Variants in RAD51B observed in about 807,000 individuals in gnomAD.
The protein encoded by RAD51B is DNA repair protein RAD51 homolog 2.
A neutral mutation model predicts 42.2 loss-of-function variants in RAD51B; 38 were observed. The ratio of observed to expected loss-of-function variants is 0.90; its 90% CI spans 0.70 to 1.18. RAD51B has a LOEUF of 1.18. Ranked by LOEUF, RAD51B falls within the 50% of genes most tolerant of loss-of-function variation. RAD51B has a pLI of 0.00. For missense variants in RAD51B, 373 were observed against 400.7 expected (o/e 0.93, Z 0.59); for synonymous variants, 154 against 145.2 (o/e 1.06, Z -0.43).
chr14:67,873,447 G>T (rs1008309234), intron 5 of RAD51B, among the ~76,000 whole-genome samples: 1 of 150,074 alleles, frequency 6.7e-6, no homozygotes, highest in Non-Finnish European at 1.5e-5. Flanking sequence ...AACAGGTGCT[G>T]GAGAGGATGT....
intron 11 of RAD51B, among the ~76,000 whole-genome samples, chr14:68,663,393 T>C (rs180706777): frequency 6.6e-6 from 1 of 151,776 alleles, no homozygotes; most frequent in Admixed American, 6.5e-5. Flanking sequence ...TAATGGGCCC[T>C]TGCTTGGCTG....
intron 7 of RAD51B, among the ~76,000 whole-genome samples, chr14:68,052,711 C>A (rs912149620): frequency 6.6e-6 from 1 of 151,846 alleles, no homozygotes; most frequent in African/African-American, 2.4e-5. Context: ...ACCTCTGCCT[C>A]CGAGGCTCCA....
intron 7 of RAD51B, among the ~76,000 whole-genome samples, chr14:68,137,673 A>G (rs1226128587): frequency 1.3e-5 from 2 of 152,228 alleles, no homozygotes; most frequent in Admixed American, 6.5e-5. Context: ...GCAAAAAGGT[A>G]TGCACATTTT....
chr14:68,050,215 C>T (rs913972920), intron 7 of RAD51B, among the ~76,000 whole-genome samples: 1 of 152,060 alleles, frequency 6.6e-6, no homozygotes, highest in Admixed American at 6.5e-5. Flanking sequence ...TGGTACCCTT[C>T]AAAAGCTTAT....
At chr14:68,292,735 A>G (rs962447797) in intron 8 of RAD51B, among the ~76,000 whole-genome samples, 1 of 152,204 alleles carries the variant, frequency 6.6e-6, no homozygotes. Flanking sequence ...AGGCCTAGCA[A>G]GGCTCCTGGA....
intron 9 of RAD51B, among the ~76,000 whole-genome samples, chr14:68,467,935 A>G (rs1044243939): frequency 1.3e-5 from 2 of 152,258 alleles, no homozygotes; most frequent in African/African-American, 2.4e-5. Flanking sequence ...AATTGATTCA[A>G]GAATATGGCA....
intron 7 of RAD51B, among the ~76,000 whole-genome samples, chr14:68,162,325 T>C (rs530039905): frequency 6.6e-6 from 1 of 152,306 alleles, no homozygotes; most frequent in African/African-American, 2.4e-5. Flanking sequence ...TTCCCAGACA[T>C]AATTTTTCAT....
At position 68,448,883 on chromosome 14, in the gene RAD51B, T is replaced by G. The variant is rs540994438; in HGVS notation, c.958-19289T>G. Among the ~76,000 whole-genome samples, 102 of 152,268 alleles carry G rather than the reference T, an allele frequency of 6.7e-4. 1 individual carries two copies. The highest frequency in any genetic ancestry group is 2.1e-3 in the African/African-American group (86 of 41,538). On this transcript the variant is annotated intron_variant, in intron 9 of 10. Transcript: ENST00000471583. ...AAATGGAAAACAAAAAAGTAATGCATGCTAGTTGTGAAAAAAAAATCAAGC... is the reference window on the plus strand; with the variant it reads ...AAATGGAAAACAAAAAAGTAATGCAGGCTAGTTGTGAAAAAAAAATCAAGC...
intron 7 of RAD51B, among the ~76,000 whole-genome samples, chr14:68,171,777 G>A (rs1456857411): frequency 6.6e-6 from 1 of 151,758 alleles, no homozygotes; most frequent in Non-Finnish European, 1.5e-5. Flanking sequence ...GGCGATCTCG[G>A]TTCACTTTAA....
In RAD51B at chr14:67,823,514, G is replaced by T. The variant is rs1159650525; in HGVS notation, c.-2-28G>T. Reference sequence around the variant, plus strand: ...GTTATATTCTGTTGTTTTTTTCATGGTTCTTCTTTTCTTTGCTGGATCTGG... The same window carrying T: ...GTTATATTCTGTTGTTTTTTTCATGTTTCTTCTTTTCTTTGCTGGATCTGG... On this transcript the variant is annotated intron_variant, in intron 1 of 10. Coordinates refer to ENST00000471583, the MANE Select transcript of RAD51B (RefSeq NM_133510.4). The T allele has an allele frequency of 4.4e-6, 7 of 1,593,422 alleles. No homozygotes were observed. The Admixed American group carries it at 6.9e-5, about 16-fold the overall frequency.
At chr14:68,134,208 A>T (rs2077961872) in intron 7 of RAD51B, among the ~76,000 whole-genome samples, 1 of 152,212 alleles carries the variant, frequency 6.6e-6, no homozygotes, top group Admixed American at 6.5e-5. Context: ...ATTATACAGT[A>T]TGTAGCCTTT....
At chr14:68,116,879 A>C (rs934652853) in intron 7 of RAD51B, among the ~76,000 whole-genome samples, 1 of 150,916 alleles carries the variant, frequency 6.6e-6, no homozygotes, top group African/African-American at 2.4e-5. Flanking sequence ...GTAAATATTA[A>C]GGTTCAAAAT....
intron 4 of RAD51B, among the ~76,000 whole-genome samples, chr14:67,842,134 A>AT (rs893319272): frequency 1.9e-4 from 29 of 151,740 alleles, no homozygotes; most frequent in Admixed American, 3.9e-4. Flanking sequence ...TAGATATTTT[A>AT]TTTTTTTTGT....
At chr14:68,289,210 A>G (rs541157909) in intron 7 of RAD51B, among the ~76,000 whole-genome samples, 2 of 152,332 alleles carry the variant, frequency 1.3e-5, no homozygotes, top group East Asian at 1.9e-4. Flanking sequence ...GGAAATAATA[A>G]CAATAACAAC....
intron 8 of RAD51B, among the ~76,000 whole-genome samples, chr14:68,323,689 G>A (rs187405347): frequency 2.0e-4 from 30 of 152,306 alleles, no homozygotes; most frequent in East Asian, 7.7e-4. Context: ...CAACTACTCC[G>A]GAAGCTGAGG....
intron 7 of RAD51B, among the ~76,000 whole-genome samples, chr14:67,949,904 TGAAAAGA>T (rs748654876): frequency 7.2e-5 from 11 of 152,310 alleles, no homozygotes; most frequent in Non-Finnish European, 1.5e-4. Flanking sequence ...CAAAATATTT[TGAAAAGA>T]ATCTTTTCTT....
chr14:68,371,221 G>A (rs748058636), intron 8 of RAD51B, among the ~76,000 whole-genome samples: 1 of 151,528 alleles, frequency 6.6e-6, no homozygotes, highest in African/African-American at 2.4e-5. Context: ...AGGGGATTAA[G>A]AGTTCTGTCC....
rs540866949 is a variant in RAD51B, at chr14:68,158,082, G to A, written c.757-133802G>A. ...GGCCACATTCAGGGAGACCTAGCTTGTGGCAGACTATTCTCACCACACCCT... is the reference window on the plus strand; with the variant it reads ...GGCCACATTCAGGGAGACCTAGCTTATGGCAGACTATTCTCACCACACCCT... On this transcript the variant is annotated intron_variant, in intron 7 of 10. Coordinates refer to ENST00000471583, the MANE Select transcript of RAD51B (RefSeq NM_133510.4). Among the ~76,000 whole-genome samples the A allele has an allele frequency of 1.0e-3, 156 of 152,174 alleles. 1 individual carries two copies. The highest frequency in any genetic ancestry group is 3.6e-3 in the African/African-American group (149 of 41,534).
chr14:68,137,215 G>T (rs1387549258), intron 7 of RAD51B, among the ~76,000 whole-genome samples: 1 of 152,202 alleles, frequency 6.6e-6, no homozygotes, highest in Non-Finnish European at 1.5e-5. Context: ...GGCGGAGGTT[G>T]CAGTGAGCCG....
Sources: allele counts gnomAD v4.1 joint callset (sites outside exome capture counted in the v4.1 genomes callset), GRCh38; gene constraint gnomAD v4.1.1; transcripts MANE v1.5; gene names NCBI Gene and HGNC (gene_info 2026-07-23, HGNC 2026-07-21).